The following LHFPL2 variants were observed in gnomAD, a reference collection of about 807,000 sequenced individuals.
The protein encoded by LHFPL2 is LHFPL tetraspan subfamily member 2 protein.
A neutral mutation model predicts 17.5 loss-of-function variants in LHFPL2; 7 were observed. The ratio of observed to expected loss-of-function variants is 0.40; its 90% CI spans 0.23 to 0.75. The LOEUF is 0.75. LHFPL2 is among the 30% of genes least tolerant of loss of function. The pLI, the probability that LHFPL2 is intolerant of heterozygous loss-of-function variation, is 0.37. For missense variants in LHFPL2, 241 were observed against 294.8 expected, an observed-to-expected ratio of 0.82 and a Z score of 1.34; for synonymous variants, 134 against 116.2, an observed-to-expected ratio of 1.15 and a Z score of -0.99.
rs1745969530 is a variant in LHFPL2, at chr5:78,648,472, C to G, written c.-350+27G>C. On this transcript the variant is annotated intron_variant, in intron 1 of 4. Transcript: ENST00000380345. This position sits in a 1 kb window ranked among gnomAD's most constrained non-coding sequence, Gnocchi z 5.4. ...CCACCGGCTCTCCCCTCCCGCAGCG[C>G]GCGCGGGCCCGACGCCTGCCACTCA... The G allele has an allele frequency of 6.6e-6, 1 of 151,620 alleles. No homozygotes were observed. Among genetic ancestry groups the G allele is most frequent in the Admixed American group, 6.6e-5 (1 of 15,226 alleles). The allele number at this position is 151,620 out of a possible 1,614,324, so 9.4% of individuals were successfully genotyped here.
intron 3 of LHFPL2, among the ~76,000 whole-genome samples, chr5:78,541,004 A>C (rs138916653): frequency 6.6e-6 from 1 of 152,210 alleles, no homozygotes; most frequent in Non-Finnish European, 1.5e-5. Flanking sequence ...CGTTTTAAGC[A>C]CAGCCTGAGG....
chr5:78,554,092 G>C (rs1284448086), intron 3 of LHFPL2, among the ~76,000 whole-genome samples: 1 of 152,232 alleles, frequency 6.6e-6, no homozygotes, highest in African/African-American at 2.4e-5. Context: ...CATTCCACTG[G>C]AAATCTCTGC....
chr5:78,517,374 A>G (rs1185887771), intron 3 of LHFPL2, among the ~76,000 whole-genome samples: 2 of 152,140 alleles, frequency 1.3e-5, no homozygotes, highest in African/African-American at 4.8e-5. Context: ...CTCCTCCTGT[A>G]TCCAATTAAT....
rs190594836 is a variant in LHFPL2 at position 78,636,438 on chromosome 5, T to C, written c.-349-4070A>G. ...CCCACACTGACCATTTCCTACTTCA[T>C]TGGTTTCATAAGCTGACTTTGCCCC... On this transcript the variant is annotated intron_variant, in intron 1 of 4. Coordinates refer to ENST00000380345, the MANE Select transcript of LHFPL2 (RefSeq NM_005779.3). 4.8e-4 allele frequency among the ~76,000 whole-genome samples: 73 copies of C among 152,330 alleles called. 1 individual carries two copies. The highest frequency in any genetic ancestry group is 1.7e-3 in the African/African-American group (71 of 41,586).
chr5:78,588,282 T>C (rs1169613050), intron 2 of LHFPL2, among the ~76,000 whole-genome samples: 1 of 152,238 alleles, frequency 6.6e-6, no homozygotes, highest in Non-Finnish European at 1.5e-5. Flanking sequence ...GTGATCTTCC[T>C]GCCTCAGCCT....
chr5:78,553,915 G>T (rs1457725945), intron 3 of LHFPL2, among the ~76,000 whole-genome samples: 1 of 152,240 alleles, frequency 6.6e-6, no homozygotes, highest in Non-Finnish European at 1.5e-5. Flanking sequence ...TGATTATAAT[G>T]GTTTGTCAGT....
chr5:78,607,840 G>A (rs1744279085), intron 2 of LHFPL2, among the ~76,000 whole-genome samples: 1 of 152,164 alleles, frequency 6.6e-6, no homozygotes, highest in Non-Finnish European at 1.5e-5. Context: ...TGTTGCAATA[G>A]TCTGAACATG....
intron 1 of LHFPL2, among the ~76,000 whole-genome samples, chr5:78,638,640 G>A (rs1745550912): frequency 6.6e-6 from 1 of 152,196 alleles, no homozygotes; most frequent in African/African-American, 2.4e-5. Flanking sequence ...CCGGCCGCCT[G>A]CAAAGGCTGA....
At chr5:78,507,944 AC>A (rs1439935227) in intron 4 of LHFPL2, among the ~76,000 whole-genome samples, 1 of 4,370 alleles carries the variant, frequency 2.3e-4, no homozygotes, top group African/African-American at 1.5e-3. Context: ...ACATGCATAC[AC>A]ACACACACAC....
At chr5:78,490,678 G>C (rs1260388845) in intron 4 of LHFPL2, among the ~76,000 whole-genome samples, 2 of 148,684 alleles carry the variant, frequency 1.3e-5, no homozygotes. Flanking sequence ...AACCCGGGAG[G>C]TGGAGGTTGC....
At chr5:78,534,204 C>A (rs1271741848) in intron 3 of LHFPL2, among the ~76,000 whole-genome samples, 1 of 152,222 alleles carries the variant, frequency 6.6e-6, no homozygotes, top group Non-Finnish European at 1.5e-5. Context: ...GCAGAGGGGG[C>A]TCTCAGGAGC....
chr5:78,559,150 T>C (rs1264387660), intron 3 of LHFPL2, among the ~76,000 whole-genome samples: 1 of 152,216 alleles, frequency 6.6e-6, no homozygotes, highest in Non-Finnish European at 1.5e-5. Context: ...GCTGCTCCAG[T>C]GGTGCCTTCT....
At chr5:78,533,569 T>G (rs1004937679) in intron 3 of LHFPL2, among the ~76,000 whole-genome samples, 6 of 152,202 alleles carry the variant, frequency 3.9e-5, no homozygotes, top group Admixed American at 2.6e-4. Context: ...CCTCTATGGC[T>G]AGAACAATGT....
chr5:78,504,309 C>T (rs1191494891), intron 4 of LHFPL2, among the ~76,000 whole-genome samples: 11 of 152,144 alleles, frequency 7.2e-5, no homozygotes, highest in South Asian at 4.1e-4. Context: ...AGAGAAAGCC[C>T]GGTGACTTTT....
Position 78,594,660 on chromosome 5 carries a change from A to G in LHFPL2, c.-244-29789T>C, listed in dbSNP as rs1395360078. On this transcript the variant is annotated intron_variant, in intron 2 of 4. Transcript: ENST00000380345. The stretch of plus-strand genomic sequence containing the variant: ...GGTAGGGATTCTATAATTTTTCCTA[A>G]GTGTTCCCCTGGGATAAGAACCAAG... 2.6e-5 allele frequency among the ~76,000 whole-genome samples: 4 copies of G among 152,212 alleles called. No individual in the cohort carries two copies. The East Asian group carries it at 5.8e-4, about 22-fold the overall frequency.
At chr5:78,542,167 T>C (rs1292831640) in intron 3 of LHFPL2, among the ~76,000 whole-genome samples, 1 of 151,892 alleles carries the variant, frequency 6.6e-6, no homozygotes, top group Non-Finnish European at 1.5e-5. Flanking sequence ...TCCACATCCT[T>C]CAAAAATAAA....
At chr5:78,555,781 T>A (rs1012748872) in intron 3 of LHFPL2, among the ~76,000 whole-genome samples, 2 of 151,996 alleles carry the variant, frequency 1.3e-5, no homozygotes, top group Non-Finnish European at 2.9e-5. Context: ...AGCCAGAGGA[T>A]GCGAAAAGGT....
intron 2 of LHFPL2, among the ~76,000 whole-genome samples, chr5:78,630,515 G>C (rs73150019): frequency 0.056 from 8,496 of 151,906 alleles, 801 homozygotes; most frequent in African/African-American, 0.19. Context: ...TCCTTCTATC[G>C]AACCCCTGGG....
intron 3 of LHFPL2, among the ~76,000 whole-genome samples, chr5:78,557,124 G>A (rs889693190): frequency 7.9e-5 from 12 of 152,180 alleles, no homozygotes; most frequent in African/African-American, 2.4e-4. Flanking sequence ...GGTCACCAGA[G>A]AAGACTGAAT....
Sources: allele counts gnomAD v4.1 joint callset (sites outside exome capture counted in the v4.1 genomes callset), GRCh38; gene constraint gnomAD v4.1.1; non-coding constraint Gnocchi (gnomAD v3.1); transcripts MANE v1.5; gene names NCBI Gene and HGNC (gene_info 2026-07-23, HGNC 2026-07-21).